Variants in INSR observed in about 807,000 individuals in gnomAD.
INSR encodes insulin receptor, also known as IR.
In INSR, 67 loss-of-function variants were observed where a neutral mutation model predicts 142.6. That is an observed-to-expected ratio of 0.47 (90% CI 0.39 to 0.58). The LOEUF is 0.58. INSR is among the 20% of genes least tolerant of loss of function. The pLI, the probability that INSR is intolerant of heterozygous loss-of-function variation, is 0.00. For synonymous variants in INSR, 756 were observed against 743.1 expected (o/e 1.02, Z -0.28); for missense variants, 1,248 against 1,833.2 (o/e 0.68, Z 5.83).
rs1022875588 is a variant in INSR at position 7,115,716 on chromosome 19, T to C, written c.*1340A>G. ...AATCAGAGGATGAACACAGGTGTTC[T>C]TGAAGGCAGGCTCAGAGCTAGGTAG... is the stretch of plus-strand genomic sequence containing the variant. On this transcript the variant is annotated 3_prime_UTR_variant, in exon 22 of 22. Transcript: ENST00000302850. 2 of 152,252 alleles carry C rather than the reference T, an allele frequency of 1.3e-5. No homozygotes were observed. The highest frequency in any genetic ancestry group is 2.4e-5 in the African/African-American group (1 of 41,446). 9.4% of individuals were successfully genotyped at this position (152,252 alleles called of 1,614,324 possible). A position where few individuals can be genotyped will look rare whatever the true frequency, so the allele number is the denominator to read the frequency against.
rs1417685114 is a variant in INSR, at chr19:7,279,697, A to G, written c.101-11801T>C. On this transcript the variant is annotated intron_variant, in intron 1 of 21. Coordinates refer to ENST00000302850, the MANE Select transcript of INSR (RefSeq NM_000208.4). The stretch of plus-strand genomic sequence containing the variant: ...GAGACAACTGAGAGAAGAAAATGAT[A>G]GAAAGAGAGGCTCACGCCTGGAATC... Among the ~76,000 whole-genome samples, 6 of 151,840 alleles carry G rather than the reference A, an allele frequency of 4.0e-5. No homozygotes were observed. In the East Asian group the frequency reaches 1.2e-3, roughly 29 times the overall value.
intron 15 of INSR, among the ~76,000 whole-genome samples, chr19:7,127,819 C>T (rs1972682169): frequency 6.6e-6 from 1 of 152,106 alleles, no homozygotes; most frequent in Non-Finnish European, 1.5e-5. Context: ...TCTCGGCTCA[C>T]TGCAACCTCT....
chr19:7,214,669 C>T (rs1975376756), intron 2 of INSR, among the ~76,000 whole-genome samples: 1 of 152,168 alleles, frequency 6.6e-6, no homozygotes, highest in Non-Finnish European at 1.5e-5. Flanking sequence ...CAAATGCTGT[C>T]TTATTTCATC....
At chr19:7,229,901 G>T in intron 2 of INSR, among the ~76,000 whole-genome samples, 1 of 151,622 alleles carries the variant, frequency 6.6e-6, no homozygotes, top group Non-Finnish European at 1.5e-5. Context: ...AAGTAGCTGA[G>T]ACCACAAGTC....
intron 2 of INSR, among the ~76,000 whole-genome samples, chr19:7,219,357 C>G (rs901100783): frequency 6.6e-6 from 1 of 152,046 alleles, no homozygotes; most frequent in Non-Finnish European, 1.5e-5. Flanking sequence ...CTCTGCAGCT[C>G]TTTGGGCTTC....
chr19:7,196,977 G>T (rs1244942816), intron 2 of INSR, among the ~76,000 whole-genome samples: 3 of 151,956 alleles, frequency 2.0e-5, no homozygotes, highest in African/African-American at 7.3e-5. Flanking sequence ...TCCCACACTG[G>T]CCCCAGACCC....
chr19:7,152,378 CA>C (rs375635473), intron 10 of INSR: 3,059 of 298,026 alleles, frequency 0.01, 5 homozygotes, highest in African/African-American at 0.019. Context: ...GAGACTCTGT[CA>C]AAAAAAAAAA....
chr19:7,257,139 C>T (rs946578039), intron 2 of INSR, among the ~76,000 whole-genome samples: 4 of 151,890 alleles, frequency 2.6e-5, no homozygotes, highest in African/African-American at 9.7e-5. Context: ...GACGGGGTTT[C>T]ACTATGTTGG....
intron 15 of INSR, among the ~76,000 whole-genome samples, chr19:7,128,244 C>T (rs1972691956): frequency 6.6e-6 from 1 of 150,442 alleles, no homozygotes; most frequent in South Asian, 2.1e-4. Flanking sequence ...ACGGAGTCTC[C>T]CTCTGTCGCC....
chr19:7,163,101 G>A lies in INSR; in HGVS notation c.1960C>T (p.His654Tyr). 6.2e-7 allele frequency: 1 copy of A among 1,614,058 alleles called. No individual in the cohort carries two copies. Among genetic ancestry groups the A allele is most frequent in the Non-Finnish European group, 8.5e-7 (1 of 1,180,018 alleles). Residue 654 changes from histidine to tyrosine, a missense_variant, in exon 9 of 22, where the codon CAC becomes TAC. This residue lies in a region of INSR where 1,069 missense variants were observed against 1,654.0 expected (regional missense o/e 0.65). Transcript: ENST00000302850. Reference sequence around the variant, plus strand: ...TGCCTCTCCCAGAAAACCAGGTAGTGGGTGATGTTGCCATTGGGGTCGGAG... The same window carrying A: ...TGCCTCTCCCAGAAAACCAGGTAGTAGGTGATGTTGCCATTGGGGTCGGAG... ...PPSDPNGNITHYLVFWERQAE... is the reference protein window; with the variant it reads ...PPSDPNGNITYYLVFWERQAE...
intron 1 of INSR, among the ~76,000 whole-genome samples, chr19:7,276,515 A>C (rs1968067788): frequency 6.6e-6 from 1 of 151,868 alleles, no homozygotes; most frequent in Non-Finnish European, 1.5e-5. Flanking sequence ...CATTCTTTCC[A>C]GTCCTCAAAC....
chr19:7,164,821 C>A (rs1973852459), intron 8 of INSR, among the ~76,000 whole-genome samples: 1 of 80,142 alleles, frequency 1.2e-5, no homozygotes. Flanking sequence ...AGCGAAACTC[C>A]ATCTCAAAAA....
At chr19:7,244,588 A>G (rs1976473025) in intron 2 of INSR, among the ~76,000 whole-genome samples, 1 of 152,188 alleles carries the variant, frequency 6.6e-6, no homozygotes, top group Non-Finnish European at 1.5e-5. Context: ...ACCTGCCCGG[A>G]AAGGAAAAAT....
intron 1 of INSR, among the ~76,000 whole-genome samples, chr19:7,274,676 G>A (rs1259135373): frequency 6.6e-6 from 1 of 151,508 alleles, no homozygotes; most frequent in Admixed American, 6.6e-5. Flanking sequence ...GGTGGCAGGT[G>A]CCTGTAGTCC....
At chr19:7,144,713 T>C (rs1973149364) in intron 11 of INSR, among the ~76,000 whole-genome samples, 1 of 152,024 alleles carries the variant, frequency 6.6e-6, no homozygotes, top group Non-Finnish European at 1.5e-5. Context: ...TCTTTTTTTT[T>C]TTTTTTGCTG....
At position 7,172,311 on chromosome 19, in the gene INSR, CG is replaced by C; in HGVS notation, c.1246del (p.Arg416GlufsTer20). 6.2e-7 allele frequency: 1 copy of C among 1,614,100 alleles called. No homozygotes were observed. The highest frequency in any genetic ancestry group is 8.5e-7 in the Non-Finnish European group (1 of 1,180,010). Reference protein sequence around the residue: ...LSFFRKLRLIRGETLEIGNYS... With the variant: ...LSFFRKLRLIXGETLEIGNYS... The stretch of plus-strand genomic sequence containing the variant: ...GTACCCAATTTCCAAGGTCTCTCCT[CG>C]AATCAGACGTAACTTCCGGAAGAAG... On this transcript the variant is annotated frameshift_variant, in exon 5 of 22. Transcript: ENST00000302850. LOFTEE classifies it high-confidence loss of function.
chr19:7,189,217 C>A (rs907621540), intron 2 of INSR, among the ~76,000 whole-genome samples: 1 of 152,162 alleles, frequency 6.6e-6, no homozygotes, highest in African/African-American at 2.4e-5. Flanking sequence ...TGGGCTGGAG[C>A]CACTTCAGAG....
At chr19:7,262,783 G>A (rs1312948133) in intron 2 of INSR, among the ~76,000 whole-genome samples, 1 of 152,202 alleles carries the variant, frequency 6.6e-6, no homozygotes, top group East Asian at 1.9e-4. Flanking sequence ...CTCACAGGAG[G>A]TCCCTACAGT....
intron 2 of INSR, among the ~76,000 whole-genome samples, chr19:7,243,197 G>T (rs1005724476): frequency 1.4e-5 from 2 of 144,700 alleles, no homozygotes; most frequent in African/African-American, 5.1e-5. Context: ...GGAGAGGTCT[G>T]ACTGCCTTAC....
Sources: allele counts gnomAD v4.1 joint callset (sites outside exome capture counted in the v4.1 genomes callset), GRCh38; gene constraint gnomAD v4.1.1; regional missense constraint gnomAD v4.1.1; transcripts MANE v1.5; gene names NCBI Gene and HGNC (gene_info 2026-07-23, HGNC 2026-07-21).